MACROD2: variants seen among roughly 807,000 people sequenced by gnomAD.
MACROD2 encodes the protein mono-ADP ribosylhydrolase 2.
MACROD2 carries 36 observed loss-of-function variants against 70.4 expected under a neutral mutation model. That is an observed-to-expected ratio of 0.51 (90% CI 0.39 to 0.68). MACROD2 has a LOEUF of 0.68. Among genes scored for constraint, MACROD2 ranks in the 30% least tolerant of loss-of-function variants. The pLI is 0.00. For missense variants in MACROD2, 496 were observed against 538.4 expected (o/e 0.92, Z 0.78); for synonymous variants, 172 against 178.8 (o/e 0.96, Z 0.30).
intron 3 of MACROD2, among the ~76,000 whole-genome samples, chr20:14,181,205 A>G (rs192942151): frequency 6.6e-6 from 1 of 151,586 alleles, no homozygotes; most frequent in Admixed American, 6.6e-5. Flanking sequence ...AATAGATGAG[A>G]CTACAGGTGC....
chr20:16,031,633 A>G (rs1482860283), intron 15 of MACROD2, among the ~76,000 whole-genome samples: 1 of 152,168 alleles, frequency 6.6e-6, no homozygotes, highest in African/African-American at 2.4e-5. Flanking sequence ...ATGCAATGAG[A>G]TATTAACACA....
At chr20:15,281,141 A>G (rs1375960544) in intron 6 of MACROD2, among the ~76,000 whole-genome samples, 1 of 152,150 alleles carries the variant, frequency 6.6e-6, no homozygotes. Flanking sequence ...GGGAACTGCC[A>G]CCATGATCCA....
chr20:14,731,664 G>A (rs911389715), intron 5 of MACROD2, among the ~76,000 whole-genome samples: 4 of 151,940 alleles, frequency 2.6e-5, no homozygotes, highest in South Asian at 4.2e-4. Flanking sequence ...GAGGTCCCCC[G>A]GGCCCTTTCG....
chr20:14,092,883 G>A (rs1176559534), intron 3 of MACROD2, among the ~76,000 whole-genome samples: 2 of 152,122 alleles, frequency 1.3e-5, no homozygotes, highest in African/African-American at 2.4e-5. Context: ...TAGAGGAAAC[G>A]GAGGATATCT....
intron 10 of MACROD2, among the ~76,000 whole-genome samples, chr20:15,911,115 C>T (rs2065230416): frequency 6.6e-6 from 1 of 152,184 alleles, no homozygotes; most frequent in Non-Finnish European, 1.5e-5. Flanking sequence ...CTAGCATCTG[C>T]CCTTGAACCA....
intron 3 of MACROD2, among the ~76,000 whole-genome samples, chr20:14,437,288 A>T (rs962457378): frequency 1.3e-5 from 2 of 152,012 alleles, no homozygotes. Flanking sequence ...TTGACAATTC[A>T]CTATGTTTTA....
intron 5 of MACROD2, among the ~76,000 whole-genome samples, chr20:14,687,850 AAAGGAAAGC>A (rs760681885): frequency 3.3e-4 from 50 of 152,364 alleles, no homozygotes; most frequent in Middle Eastern, 6.8e-3. Flanking sequence ...TTAAAAGCAT[AAAGGAAAGC>A]AAGGAAAGCA....
At chr20:14,630,724 G>A (rs1984459928) in intron 4 of MACROD2, among the ~76,000 whole-genome samples, 1 of 152,206 alleles carries the variant, frequency 6.6e-6, no homozygotes, top group South Asian at 2.1e-4. Flanking sequence ...TAGAAGATAG[G>A]TGAACAAAAT....
At chr20:14,456,296 G>C (rs2084301495) in intron 3 of MACROD2, among the ~76,000 whole-genome samples, 1 of 151,792 alleles carries the variant, frequency 6.6e-6, no homozygotes, top group African/African-American at 2.4e-5. Context: ...TCTTTGCTCA[G>C]TCTGCTGAAG....
At chr20:15,375,327 T>G (rs2045547785) in intron 6 of MACROD2, among the ~76,000 whole-genome samples, 1 of 152,160 alleles carries the variant, frequency 6.6e-6, no homozygotes, top group African/African-American at 2.4e-5. Flanking sequence ...TAATCCACTA[T>G]TGATTTGGAA....
chr20:15,676,994 A>G (rs2050066405), intron 8 of MACROD2, among the ~76,000 whole-genome samples: 1 of 152,192 alleles, frequency 6.6e-6, no homozygotes, highest in South Asian at 2.1e-4. Context: ...ACCACTAACT[A>G]TTTGCATAAT....
At chr20:15,549,061 T>C (rs1178451449) in intron 8 of MACROD2, among the ~76,000 whole-genome samples, 1 of 152,198 alleles carries the variant, frequency 6.6e-6, no homozygotes, top group East Asian at 1.9e-4. Flanking sequence ...AGACTACAAC[T>C]GGGCCCTGAA....
At chr20:15,551,328 T>A (rs564352027) in intron 8 of MACROD2, among the ~76,000 whole-genome samples, 195 of 137,316 alleles carry the variant, frequency 1.4e-3, no homozygotes, top group Non-Finnish European at 1.2e-3. Context: ...TTATCTCTCA[T>A]TTAATATTTA....
At chr20:15,638,137 C>T (rs1049598463) in intron 8 of MACROD2, among the ~76,000 whole-genome samples, 4 of 152,130 alleles carry the variant, frequency 2.6e-5, no homozygotes, top group Non-Finnish European at 5.9e-5. Flanking sequence ...GCAAAACAAA[C>T]ACAAGGAATT....
At chr20:14,894,459 AT>A (rs1156279686) in intron 5 of MACROD2, 2 of 151,626 alleles carry the variant, frequency 1.3e-5, no homozygotes, top group African/African-American at 4.8e-5. Flanking sequence ...TCTCGATCTC[AT>A]GATCCACCCG....
At chr20:15,329,518 G>A (rs1600248843) in intron 6 of MACROD2, among the ~76,000 whole-genome samples, 1 of 152,010 alleles carries the variant, frequency 6.6e-6, no homozygotes, top group African/African-American at 2.4e-5. Flanking sequence ...TGAGAGGACT[G>A]TTTGAACCCA....
At position 14,986,375 on chromosome 20, in the gene MACROD2, G is replaced by C. The variant is rs144045696; in HGVS notation, c.419-243565G>C. ...TAATATGCCTCACCTAAGGTTCCCG[G>C]TGGCTGCACATTTTTGTGGGAAATG... On this transcript the variant is annotated intron_variant, in intron 5 of 17. Coordinates refer to ENST00000684519, the MANE Select transcript of MACROD2 (RefSeq NM_001351661.2). Among the ~76,000 whole-genome samples the C allele has an allele frequency of 5.3e-5, 8 of 152,196 alleles. 1 individual carries two copies. The highest frequency in any genetic ancestry group is 1.9e-4 in the African/African-American group (8 of 41,536).
intron 5 of MACROD2, among the ~76,000 whole-genome samples, chr20:15,037,338 C>G (rs1418636617): frequency 6.6e-6 from 1 of 152,192 alleles, no homozygotes; most frequent in Non-Finnish European, 1.5e-5. Flanking sequence ...TCCTCAAAAG[C>G]CATACTTTTT....
chr20:15,387,652 A>G (rs1284788440), intron 6 of MACROD2, among the ~76,000 whole-genome samples: 2 of 151,938 alleles, frequency 1.3e-5, no homozygotes, highest in Admixed American at 1.3e-4. Flanking sequence ...CACAGCAGCC[A>G]GACACCCCAC....
Sources: allele counts gnomAD v4.1 joint callset (sites outside exome capture counted in the v4.1 genomes callset), GRCh38; gene constraint gnomAD v4.1.1; transcripts MANE v1.5; gene names NCBI Gene and HGNC (gene_info 2026-07-23, HGNC 2026-07-21).